PPCS: variants seen among roughly 807,000 people sequenced by gnomAD.
The protein encoded by PPCS is phosphopantothenoylcysteine synthetase, also known as phosphopantothenate--cysteine ligase.
PPCS carries 17 observed loss-of-function variants against 24.6 expected under a neutral mutation model. The ratio of observed to expected loss-of-function variants is 0.69; its 90% CI spans 0.47 to 1.04. The LOEUF is 1.04. PPCS is among the 50% of genes least tolerant of loss of function. The pLI is 0.00. For synonymous variants in PPCS, 190 were observed against 168.3 expected (o/e 1.13, Z -1.00); for missense variants, 360 against 402.8 (o/e 0.89, Z 0.91).
downstream of PPCS, chr1:42,464,244 G>A (rs1263519122): frequency 1.3e-5 from 2 of 152,128 alleles, no homozygotes. Context: ...AATACTGTAG[G>A]TCTAGTGTGT....
chr1:42,460,446 T>G lies in PPCS; in HGVS notation c.*520T>G. The G allele has an allele frequency of 1.1e-6, 1 of 924,454 alleles. No individual in the cohort carries two copies. Among genetic ancestry groups the G allele is most frequent in the Non-Finnish European group, 1.3e-6 (1 of 774,022 alleles). The allele number at this position is 924,454 out of a possible 1,614,324, so 57.3% of individuals were successfully genotyped here. On this transcript the variant is annotated 3_prime_UTR_variant, in exon 3 of 3. Transcript: ENST00000372561. ...TGTTTTGTTTGAAATTTATCAAATA[T>G]AGTAGTAGGAAAGAAGGATACCTCC...
chr1:42,456,718 G>A lies in PPCS; in HGVS notation c.153G>A (p.Ala51=). The A allele has an allele frequency of 6.2e-7, 1 of 1,608,944 alleles. No homozygotes were observed. Among genetic ancestry groups the A allele is most frequent in the Non-Finnish European group, 8.5e-7 (1 of 1,179,150 alleles). The change falls in exon 1 of 3, where the codon GCG becomes GCA. Residue 51 remains alanine, a synonymous_variant. Coordinates refer to ENST00000372561, the MANE Select transcript of PPCS (RefSeq NM_024664.4). The part of the protein sequence containing the change: ...TSGGTKVPLE[A]RPVRFLDNFS... ...GCGGCACCAAGGTCCCACTGGAAGCGCGGCCGGTGCGCTTCCTGGACAACT... is the reference window on the plus strand; with the variant it reads ...GCGGCACCAAGGTCCCACTGGAAGCACGGCCGGTGCGCTTCCTGGACAACT...
chr1:42,463,573 C>G (rs1241307002), downstream of PPCS: 1 of 152,378 alleles, frequency 6.6e-6, no homozygotes, highest in Non-Finnish European at 1.5e-5. Context: ...AGAATTCGCC[C>G]GTTTTCCCCG....
intron 2 of PPCS, among the ~76,000 whole-genome samples, chr1:42,469,152 G>T (rs1450373041): frequency 6.6e-6 from 1 of 152,194 alleles, no homozygotes; most frequent in African/African-American, 2.4e-5. Context: ...GCTGAAATGG[G>T]AGGATCACTT....
rs1328699447 is a variant in PPCS at position 42,459,583 on chromosome 1, C to T, written c.613-20C>T. ...TAATGACCATTGTTTGCTTATTAAG[C>T]TTTTCTTTTTCCAATACAGATAACA... On this transcript the variant is annotated intron_variant, in intron 2 of 2. Transcript: ENST00000372561. 21 of 1,598,136 alleles carry T rather than the reference C, an allele frequency of 1.3e-5. No homozygotes were observed. In the Admixed American group the frequency reaches 2.9e-4, roughly 22 times the overall value.
chr1:42,471,467 G>A (rs1195216971), intron 2 of PPCS, among the ~76,000 whole-genome samples: 1 of 152,132 alleles, frequency 6.6e-6, no homozygotes, highest in African/African-American at 2.4e-5. Flanking sequence ...TGTTTACATA[G>A]TTATAATAAT....
chr1:42,456,512 G>A, upstream of PPCS: 4 of 1,431,530 alleles, frequency 2.8e-6, no homozygotes, highest in East Asian at 2.7e-5. Context: ...AGGCGAGAAG[G>A]GGCGTGGCGC....
intron 2 of PPCS, among the ~76,000 whole-genome samples, chr1:42,472,740 G>A (rs945132066): frequency 6.6e-6 from 1 of 150,958 alleles, no homozygotes; most frequent in Non-Finnish European, 1.5e-5. Flanking sequence ...TACATTTTTC[G>A]GTATTACCAG....
chr1:42,456,728 C>A lies in PPCS; in HGVS notation c.163C>A (p.Arg55Ser), dbSNP rs772350656. Residue 55 changes from arginine (R) to serine (S), a missense_variant, in exon 1 of 3, where the codon CGC (arginine) becomes AGC (serine). Arg to Ser is a moderately radical substitution (Grantham distance 110). Around this residue, in one of 2 missense-constraint regions of PPCS, gnomAD observed 244 missense variants for 234.7 expected, o/e 1.04. Transcript: ENST00000372561. ...TKVPLEARPV[R>S]FLDNFSSGRR... ...GGTCCCACTGGAAGCGCGGCCGGTG[C>A]GCTTCCTGGACAACTTCAGCAGCGG... 2.5e-5 allele frequency: 41 copies of A among 1,609,356 alleles called. No homozygotes were observed. Among genetic ancestry groups the A allele is most frequent in the Non-Finnish European group, 3.4e-5 (40 of 1,179,142 alleles).
chr1:42,457,145 C>T, intron 1 of PPCS, 72 bp downstream of exon 1: 8 of 1,590,094 alleles, frequency 5.0e-6, no homozygotes, highest in Non-Finnish European at 6.0e-6. Flanking sequence ...CCCCTTACCT[C>T]CTGCTTACCC....
At chr1:42,464,732 C>G (rs1377764533), downstream of PPCS, among the ~76,000 whole-genome samples, 1 of 152,188 alleles carries the variant, frequency 6.6e-6, no homozygotes, top group Middle Eastern at 3.2e-3. Context: ...TTGAATCTTA[C>G]TATTTCTTCT....
At chr1:42,459,439 G>T (rs1397224847) in intron 2 of PPCS, 164 bp from the exon 3 acceptor site, 6 of 675,498 alleles carry the variant, frequency 8.9e-6, no homozygotes, top group Non-Finnish European at 1.2e-5. Context: ...GGGATTACAG[G>T]CCAAGCCACT....
rs763305534 is a variant in PPCS, at chr1:42,457,069, G to T, written c.504G>T (p.Pro168=). 8 of 1,594,330 alleles carry T rather than the reference G, an allele frequency of 5.0e-6. No homozygotes were observed. Among genetic ancestry groups the T allele is most frequent in the South Asian group, 1.1e-5 (1 of 89,258 alleles). The change falls in exon 1 of 3, where the codon CCG becomes CCT. Residue 168 remains proline, a synonymous_variant. Transcript: ENST00000372561. ...AGGCTGCGGCCCAGGCACTCAATCC[G>T]CTAGGTGCGTGCCCTAGGAGTACCC... is the stretch of plus-strand genomic sequence containing the variant. ...LLQAAAQALN[P]LGPSAMFYLA... is the part of the protein sequence containing the mutation.
chr1:42,472,512 C>T (rs1054532802), intron 2 of PPCS, among the ~76,000 whole-genome samples: 1 of 152,118 alleles, frequency 6.6e-6, no homozygotes, highest in Non-Finnish European at 1.5e-5. Flanking sequence ...GCCTCTCTAG[C>T]TTCCAGAGGA....
At chr1:42,458,899 A>G (rs1643320603) in intron 2 of PPCS, among the ~76,000 whole-genome samples, 1 of 152,234 alleles carries the variant, frequency 6.6e-6, no homozygotes, top group Admixed American at 6.5e-5. Flanking sequence ...CATTCTACCA[A>G]TGCAAGAAAT....
At chr1:42,457,541 TAC>T (rs1643256925) in intron 2 of PPCS, 191 bp downstream of exon 2, 1 of 605,208 alleles carries the variant, frequency 1.7e-6, no homozygotes, top group Non-Finnish European at 2.9e-6. Flanking sequence ...ATAATTACAA[TAC>T]AGAGTGATAA....
In PPCS at chr1:42,457,345, C is replaced by G; in HGVS notation, c.607C>G (p.Leu203Val). 1.9e-6 allele frequency: 3 copies of G among 1,613,416 alleles called. No homozygotes were observed. Among genetic ancestry groups the G allele is most frequent in the Non-Finnish European group, 2.5e-6 (3 of 1,179,332 alleles). Reference sequence around the variant, plus strand: ...CAAGATCCAGTCATCTGGGGGCCCACTGCAGGTGATGGGCGCTTCTCTTCC... The same window carrying G: ...CAAGATCCAGTCATCTGGGGGCCCAGTGCAGGTGATGGGCGCTTCTCTTCC... ...EHKIQSSGGPLQITMKMVPKL... is the reference protein window; with the variant it reads ...EHKIQSSGGPVQITMKMVPKL... The change falls in exon 2 of 3, where the codon CTG becomes GTG. Residue 203 changes from leucine to valine, a missense_variant. By Grantham distance (32) the Leu-to-Val change is conservative (BLOSUM62 1). Around this residue, in one of 2 missense-constraint regions of PPCS, gnomAD observed 116 missense variants for 168.1 expected, o/e 0.69. Transcript: ENST00000372561.
chr1:42,465,764 A>G (rs1364310878), downstream of PPCS, among the ~76,000 whole-genome samples: 2 of 152,176 alleles, frequency 1.3e-5, no homozygotes, highest in African/African-American at 4.8e-5. Context: ...AACTAGGGAT[A>G]TGCTACTGAC....
intron 2 of PPCS, among the ~76,000 whole-genome samples, chr1:42,469,633 A>G (rs1460237623): frequency 6.6e-6 from 1 of 152,180 alleles, no homozygotes; most frequent in Non-Finnish European, 1.5e-5. Context: ...GCAGTATGGG[A>G]TGGGGCCTAG....
Sources: allele counts gnomAD v4.1 joint callset (sites outside exome capture counted in the v4.1 genomes callset), GRCh38; gene constraint gnomAD v4.1.1; regional missense constraint gnomAD v4.1.1; transcripts MANE v1.5; gene names NCBI Gene and HGNC (gene_info 2026-07-23, HGNC 2026-07-21).